Variants in FARP1 observed in about 807,000 individuals in gnomAD.
The protein encoded by FARP1 is FERM, ARHGEF and pleckstrin domain-containing protein 1.
FARP1 carries 52 observed loss-of-function variants against 128.8 expected under a neutral mutation model. The observed-to-expected ratio is 0.40, with a 90% confidence interval of 0.32 to 0.51. The LOEUF is 0.51. Among genes scored for constraint, FARP1 ranks in the 20% least tolerant of loss-of-function variants. FARP1 has a pLI of 0.45. For missense variants in FARP1, 1,333 were observed against 1,367.9 expected (o/e 0.97, Z 0.40); for synonymous variants, 580 against 551.8 (o/e 1.05, Z -0.72).
At chr13:98,337,577 GTGTGT>G (rs1887797719) in intron 2 of FARP1, among the ~76,000 whole-genome samples, 1 of 146,584 alleles carries the variant, frequency 6.8e-6, no homozygotes, top group Admixed American at 6.7e-5. Context: ...GTGTGTGTGT[GTGTGT>G]GTGTGTTTTG....
Position 98,322,460 on chromosome 13 carries a change from T to C in FARP1, c.172-21302T>C, listed in dbSNP as rs572332636. 6.6e-5 allele frequency among the ~76,000 whole-genome samples: 10 copies of C among 152,320 alleles called. No homozygotes were observed. In the South Asian group the frequency reaches 2.1e-3, roughly 32 times the overall value. On this transcript the variant is annotated intron_variant, in intron 2 of 26. Transcript: ENST00000319562. ...AGCCTAGCTCCAGCCCAAATCCACATGCTTCTGGGAGCACTGGGATTTGGA... is the reference window on the plus strand; with the variant it reads ...AGCCTAGCTCCAGCCCAAATCCACACGCTTCTGGGAGCACTGGGATTTGGA...
intron 1 of FARP1, among the ~76,000 whole-genome samples, chr13:98,192,028 C>A (rs1317337967): frequency 6.6e-6 from 1 of 152,044 alleles, no homozygotes; most frequent in Admixed American, 6.5e-5. Context: ...AAATTCTTTG[C>A]ATCTGACATC....
At chr13:98,420,083 C>T (rs549996078) in intron 16 of FARP1, among the ~76,000 whole-genome samples, 9 of 152,248 alleles carry the variant, frequency 5.9e-5, no homozygotes, top group African/African-American at 1.7e-4. Flanking sequence ...GCTCGTGATG[C>T]TTTAGAGGAC....
intron 2 of FARP1, among the ~76,000 whole-genome samples, chr13:98,286,204 T>A (rs890850367): frequency 6.6e-6 from 1 of 152,190 alleles, no homozygotes; most frequent in African/African-American, 2.4e-5. Flanking sequence ...GATCTTGTGA[T>A]CCTGCGTCTC....
chr13:98,210,271 C>G (rs1880597350), intron 1 of FARP1, among the ~76,000 whole-genome samples: 1 of 152,018 alleles, frequency 6.6e-6, no homozygotes, highest in South Asian at 2.1e-4. Context: ...TTTCCCATTT[C>G]TTCTTTCTCC....
intron 2 of FARP1, among the ~76,000 whole-genome samples, chr13:98,330,685 G>T (rs1887468510): frequency 6.6e-6 from 1 of 152,014 alleles, no homozygotes; most frequent in Non-Finnish European, 1.5e-5. Context: ...AACCTGGGAG[G>T]CGGAGGTTGC....
Position 98,252,759 on chromosome 13 carries a change from T to C in FARP1, c.171+39346T>C, listed in dbSNP as rs377041299. On this transcript the variant is annotated intron_variant, in intron 2 of 26. Transcript: ENST00000319562. ...GGATGTAAGTCAATGTCAAAGAAAG[T>C]GTCCAGTGTTGTTCTTTAAGGAAGA... 1.1e-4 allele frequency among the ~76,000 whole-genome samples: 17 copies of C among 152,354 alleles called. No individual in the cohort carries two copies. In the East Asian group the frequency reaches 2.5e-3, roughly 22 times the overall value.
At chr13:98,142,953 CG>C, upstream of FARP1, 1 of 149,714 alleles carries the variant, frequency 6.7e-6, no homozygotes, top group Non-Finnish European at 1.5e-5. Flanking sequence ...CGGAGCGGAG[CG>C]GGGCGGGGCG....
chr13:98,184,165 C>T (rs1417860625), intron 1 of FARP1, among the ~76,000 whole-genome samples: 6 of 152,012 alleles, frequency 3.9e-5, no homozygotes, highest in Admixed American at 1.3e-4. Flanking sequence ...TTGCCCAGGC[C>T]GGAGAGTGGT....
At chr13:98,229,523 G>A (rs1305638961) in intron 2 of FARP1, among the ~76,000 whole-genome samples, 3 of 150,832 alleles carry the variant, frequency 2.0e-5, no homozygotes, top group Non-Finnish European at 2.9e-5. Flanking sequence ...TTTGGAGACA[G>A]GGTCTCTCTG....
At chr13:98,269,577 T>C (rs1339290084) in intron 2 of FARP1, among the ~76,000 whole-genome samples, 1 of 152,240 alleles carries the variant, frequency 6.6e-6, no homozygotes, top group African/African-American at 2.4e-5. Context: ...ATGAGGCTCA[T>C]GAGGGGCCTG....
intron 1 of FARP1, among the ~76,000 whole-genome samples, chr13:98,206,978 C>T (rs574965174): frequency 3.9e-5 from 6 of 152,238 alleles, no homozygotes; most frequent in Admixed American, 1.3e-4. Flanking sequence ...AGAGGCCTTT[C>T]GGTTTGTTGG....
intron 13 of FARP1, among the ~76,000 whole-genome samples, chr13:98,408,011 C>T (rs575070402): frequency 4.6e-5 from 7 of 152,164 alleles, no homozygotes; most frequent in Non-Finnish European, 7.3e-5. Flanking sequence ...AGATCTTCAG[C>T]GTACCAAGTA....
intron 1 of FARP1, among the ~76,000 whole-genome samples, chr13:98,184,887 A>T (rs1594243922): frequency 6.6e-6 from 1 of 152,314 alleles, no homozygotes; most frequent in Non-Finnish European, 1.5e-5. Context: ...TTGAACAGGG[A>T]AGAACCAGTT....
chr13:98,349,777 A>G (rs771477509), intron 3 of FARP1, among the ~76,000 whole-genome samples: 2 of 151,022 alleles, frequency 1.3e-5, no homozygotes, highest in African/African-American at 2.4e-5. Flanking sequence ...CAGGAAGAAG[A>G]TTGGCACCTT....
At chr13:98,317,658 A>G (rs1200544102) in intron 2 of FARP1, among the ~76,000 whole-genome samples, 2 of 152,106 alleles carry the variant, frequency 1.3e-5, no homozygotes, top group Non-Finnish European at 2.9e-5. Context: ...GTGGCTCCAT[A>G]CCACTTAGGT....
chr13:98,365,913 G>GTGTGTGTGTGTGTGTGTA (rs1239165336), intron 4 of FARP1, among the ~76,000 whole-genome samples: 1,705 of 151,742 alleles, frequency 0.011, 35 homozygotes, highest in African/African-American at 0.039. Flanking sequence ...GTGTGTGTGT[G>GTGTGTGTGTGTGTGTGTA]TGTGTTTCTG....
chr13:98,291,440 T>C (rs970561438), intron 2 of FARP1, among the ~76,000 whole-genome samples: 3 of 152,168 alleles, frequency 2.0e-5, no homozygotes, highest in Non-Finnish European at 2.9e-5. Flanking sequence ...TTCAAATCCA[T>C]GTCGTTCAGA....
intron 1 of FARP1, among the ~76,000 whole-genome samples, chr13:98,146,053 G>C (rs1875529254): frequency 6.6e-6 from 1 of 152,028 alleles, no homozygotes; most frequent in East Asian, 1.9e-4. Context: ...TTTATGAGGA[G>C]GATGCTTGTG....
Sources: allele counts gnomAD v4.1 joint callset (sites outside exome capture counted in the v4.1 genomes callset), GRCh38; gene constraint gnomAD v4.1.1; transcripts MANE v1.5; gene names NCBI Gene and HGNC (gene_info 2026-07-23, HGNC 2026-07-21).